PALD1: variants seen among roughly 807,000 people sequenced by gnomAD.
The protein encoded by PALD1 is paladin.
Under a neutral mutation model 96.0 loss-of-function variants are expected in PALD1, and 57 were observed. That is an observed-to-expected ratio of 0.59 (90% CI 0.48 to 0.74). The LOEUF (loss-of-function observed/expected upper bound fraction) is 0.74. Among genes scored for constraint, PALD1 ranks in the 30% least tolerant of loss-of-function variants. PALD1 has a pLI of 0.00. For synonymous variants in PALD1, 464 were observed against 473.6 expected (o/e 0.98, Z 0.26); for missense variants, 1,063 against 1,143.7 (o/e 0.93, Z 1.02).
At chr10:70,561,034 C>A (rs1011579431) in intron 18 of PALD1, among the ~76,000 whole-genome samples, 1 of 152,168 alleles carries the variant, frequency 6.6e-6, no homozygotes, top group Non-Finnish European at 1.5e-5. Context: ...GCCCTCGGAA[C>A]CTTCTGGGGG....
intron 1 of PALD1, among the ~76,000 whole-genome samples, chr10:70,481,713 A>G (rs990108195): frequency 5.3e-5 from 8 of 152,168 alleles, no homozygotes; most frequent in African/African-American, 1.9e-4. Context: ...GAGAGAGAGC[A>G]CACATGTAGC....
intron 1 of PALD1, among the ~76,000 whole-genome samples, chr10:70,511,899 T>A (rs1252493143): frequency 6.6e-6 from 1 of 151,958 alleles, no homozygotes; most frequent in Non-Finnish European, 1.5e-5. Context: ...TGGTGGCGGG[T>A]GCCTGTAGTC....
intron 1 of PALD1, among the ~76,000 whole-genome samples, chr10:70,520,709 G>A (rs1395872097): frequency 3.2e-5 from 1 of 31,266 alleles, no homozygotes; most frequent in Admixed American, 3.7e-4. Context: ...TTTTTTTTTT[G>A]CGGTGGAGTG....
At chr10:70,498,172 A>C (rs1846227644) in intron 1 of PALD1, among the ~76,000 whole-genome samples, 1 of 152,152 alleles carries the variant, frequency 6.6e-6, no homozygotes, top group Non-Finnish European at 1.5e-5. Context: ...ATCGTACAAT[A>C]TTTCTTCTTT....
intron 18 of PALD1, among the ~76,000 whole-genome samples, chr10:70,559,664 C>T (rs967148107): frequency 3.3e-5 from 5 of 151,848 alleles, no homozygotes; most frequent in Non-Finnish European, 7.4e-5. Flanking sequence ...TTGAGAAGGG[C>T]GAAGTGAAGG....
upstream of PALD1, among the ~76,000 whole-genome samples, chr10:70,478,520 G>A (rs921453684): frequency 6.6e-6 from 1 of 152,214 alleles, no homozygotes; most frequent in Non-Finnish European, 1.5e-5. Flanking sequence ...CTAGCGACGA[G>A]GGAAGAGGAA....
At chr10:70,472,951 C>T in the PALD1 span, among the ~76,000 whole-genome samples, 3 of 152,166 alleles carry the variant, frequency 2.0e-5, no homozygotes, top group East Asian at 3.8e-4. Flanking sequence ...TCTCAAAACT[C>T]GTCAAGGTAG....
intron 1 of PALD1, among the ~76,000 whole-genome samples, chr10:70,504,014 G>A (rs571255174): frequency 6.6e-6 from 1 of 152,224 alleles, no homozygotes; most frequent in Non-Finnish European, 1.5e-5. Context: ...AGCCACCTGC[G>A]CACCCTTGGG....
chr10:70,536,696 A>G (rs1847122297), intron 10 of PALD1, among the ~76,000 whole-genome samples: 1 of 152,202 alleles, frequency 6.6e-6, no homozygotes, highest in African/African-American at 2.4e-5. Flanking sequence ...GAAGCCTGAA[A>G]GTCTAGAGTA....
In PALD1 at chr10:70,535,583, T is replaced by C. The variant is rs116097992; in HGVS notation, c.1227+740T>C. Among the ~76,000 whole-genome samples the C allele has an allele frequency of 9.7e-3, 1,404 of 145,378 alleles. 18 individuals carry two copies. The highest frequency in any genetic ancestry group is 0.034 in the African/African-American group (1,319 of 39,290). On this transcript the variant is annotated intron_variant, in intron 10 of 19. Transcript: ENST00000263563. ...CCTCCTTCTCTTCCTTCCTCCTCCT[T>C]CTTCCTCCTTCCTTCTCCTTCCTCT...
intron 17 of PALD1, among the ~76,000 whole-genome samples, chr10:70,544,271 G>C (rs998953786): frequency 6.6e-6 from 1 of 152,074 alleles, no homozygotes; most frequent in Admixed American, 6.5e-5. Context: ...GTGTGCAAAG[G>C]AGGGATTCTG....
At chr10:70,556,720 G>A (rs1462700904) in intron 18 of PALD1, among the ~76,000 whole-genome samples, 2 of 152,190 alleles carry the variant, frequency 1.3e-5, no homozygotes, top group African/African-American at 2.4e-5. Flanking sequence ...CATCCATTGA[G>A]CAGCTATGGT....
At chr10:70,478,555 G>T (rs1357082911), upstream of PALD1, among the ~76,000 whole-genome samples, 1 of 152,220 alleles carries the variant, frequency 6.6e-6, no homozygotes, top group African/African-American at 2.4e-5. Context: ...AGTCTCCCCC[G>T]CCCCAAACTT....
chr10:70,562,367 G>A (rs1022246698), intron 18 of PALD1, among the ~76,000 whole-genome samples: 9 of 152,244 alleles, frequency 5.9e-5, no homozygotes, highest in African/African-American at 2.2e-4. Flanking sequence ...AGCAAAGGCC[G>A]TGGAGGTAGA....
chr10:70,555,481 G>A (rs561129040), intron 18 of PALD1, among the ~76,000 whole-genome samples: 3 of 138,386 alleles, frequency 2.2e-5, no homozygotes, highest in South Asian at 2.4e-4. Context: ...GCCACGACCC[G>A]GGGGCAATCT....
intron 1 of PALD1, among the ~76,000 whole-genome samples, chr10:70,520,624 G>A (rs1214463475): frequency 6.6e-6 from 1 of 151,646 alleles, no homozygotes; most frequent in African/African-American, 2.4e-5. Flanking sequence ...TCCTCTTAAG[G>A]AAATGAGGTG....
chr10:70,566,476 C>T, intron 19 of PALD1, 105 bp from the exon 20 acceptor site: 1 of 818,594 alleles, frequency 1.2e-6, no homozygotes, highest in South Asian at 1.6e-5. Flanking sequence ...CAAACTTGTT[C>T]AGGTCACCAA....
the PALD1 span, among the ~76,000 whole-genome samples, chr10:70,463,160 T>G: frequency 1.3e-5 from 2 of 152,136 alleles, no homozygotes; most frequent in Non-Finnish European, 2.9e-5. Flanking sequence ...ATCCCAGCAC[T>G]TTGGGAGGCC....
intron 10 of PALD1, among the ~76,000 whole-genome samples, 157 bp from the exon 11 acceptor site, chr10:70,537,654 C>G (rs1385589943): frequency 1.3e-5 from 2 of 152,234 alleles, no homozygotes; most frequent in Admixed American, 1.3e-4. Flanking sequence ...GGGTGAGACA[C>G]TTAGAAGAAC....
Sources: gnomAD v4.1 joint callset for allele counts (sites outside exome capture counted in the v4.1 genomes callset) on GRCh38, gnomAD v4.1.1 for gene constraint, MANE v1.5 for transcripts, NCBI Gene and HGNC (gene_info 2026-07-23, HGNC 2026-07-21) for gene names.